Variants in EIF2S1 observed in about 807,000 individuals in gnomAD.
EIF2S1 encodes the protein eukaryotic translation initiation factor 2 subunit 1.
A neutral mutation model predicts 33.5 loss-of-function variants in EIF2S1; 5 were observed. That is an observed-to-expected ratio of 0.15 (90% CI 0.08 to 0.31). The LOEUF (loss-of-function observed/expected upper bound fraction) is 0.31, where lower values mean the gene tolerates loss of function less well. Among genes scored for constraint, EIF2S1 ranks in the 10% least tolerant of loss-of-function variants. The probability of loss-of-function intolerance (pLI) is 1.00; values close to 1 mark genes in which losing one functional copy is unlikely to be tolerated. For synonymous variants in EIF2S1, 99 were observed against 127.5 expected (o/e 0.78, Z 1.51); for missense variants, 191 against 384.6 (o/e 0.50, Z 4.21).
At position 67,385,141 on chromosome 14, in the gene EIF2S1, C is replaced by CTGA. The variant is rs1566619597; in HGVS notation, c.*1703_*1705dup. 1.3e-5 allele frequency: 2 copies of CTGA among 152,136 alleles called. No individual in the cohort carries two copies. Among genetic ancestry groups the CTGA allele is most frequent in the Non-Finnish European group, 2.9e-5 (2 of 68,036 alleles). 9.4% of individuals were successfully genotyped at this position (152,136 alleles called of 1,614,324 possible). A position where few individuals can be genotyped will look rare whatever the true frequency, so the allele number is the denominator to read the frequency against. Reference sequence around the variant, plus strand: ...AGCCAGAGAATAGATCAGTATTTCACTGATACCACGAGGAAAAGAACAAAC... The same window carrying CTGA: ...AGCCAGAGAATAGATCAGTATTTCACTGATGATACCACGAGGAAAAGAACAAAC... On this transcript the variant is annotated 3_prime_UTR_variant, in exon 8 of 8. Coordinates refer to ENST00000256383, the MANE Select transcript of EIF2S1 (RefSeq NM_004094.5).
chr14:67,368,526 G>C lies in EIF2S1; in HGVS notation c.241+3518G>C, dbSNP rs1033609152. On this transcript the variant is annotated intron_variant, in intron 2 of 7. Coordinates refer to ENST00000256383, the MANE Select transcript of EIF2S1 (RefSeq NM_004094.5). ...ATATATAGTTAATACAGTTGGCTCT[G>C]TGATTAATGGATGCCAAGTAGTTAA... Among the ~76,000 whole-genome samples the C allele has an allele frequency of 5.1e-4, 78 of 152,264 alleles. 1 individual carries two copies. Among genetic ancestry groups the C allele is most frequent in the African/African-American group, 1.8e-3 (75 of 41,560 alleles).
intron 2 of EIF2S1, among the ~76,000 whole-genome samples, chr14:67,370,608 CA>C (rs1566612468): frequency 6.6e-6 from 1 of 152,152 alleles, no homozygotes; most frequent in African/African-American, 2.4e-5. Flanking sequence ...CTCAACAAAT[CA>C]GGTGAAATTA....
At chr14:67,376,405 C>T in intron 3 of EIF2S1, 34 bp from the exon 4 acceptor site, 1 of 1,549,582 alleles carries the variant, frequency 6.5e-7, no homozygotes, top group Non-Finnish European at 8.7e-7. Context: ...AATCTCTTAT[C>T]TTTGAATTGT....
chr14:67,380,480 G>A (rs971122532), intron 4 of EIF2S1, among the ~76,000 whole-genome samples, 179 bp from the exon 5 acceptor site: 2 of 152,210 alleles, frequency 1.3e-5, no homozygotes, highest in African/African-American at 2.4e-5. Flanking sequence ...CTAATAATCA[G>A]TTGGGGTGTA....
At chr14:67,364,590 T>A in intron 1 of EIF2S1, 177 bp from the exon 2 acceptor site, 1 of 588,868 alleles carries the variant, frequency 1.7e-6, no homozygotes, top group Non-Finnish European at 2.8e-6. Flanking sequence ...TAAAGCTTGG[T>A]TCCTGAACAT....
At chr14:67,378,508 G>T (rs2085869740) in intron 4 of EIF2S1, among the ~76,000 whole-genome samples, 1 of 152,102 alleles carries the variant, frequency 6.6e-6, no homozygotes, top group Non-Finnish European at 1.5e-5. Flanking sequence ...ACAAATCATA[G>T]AGCCAGGCAG....
chr14:67,364,433 C>A, intron 1 of EIF2S1: 1 of 211,738 alleles, frequency 4.7e-6, no homozygotes, highest in East Asian at 1.3e-4. Flanking sequence ...TTTGATATGC[C>A]TTAAAGTAGT....
rs1237392513 is a variant in EIF2S1 at position 67,367,266 on chromosome 14, C to CT, written c.241+2259dup. Among the ~76,000 whole-genome samples the CT allele has an allele frequency of 3.3e-5, 5 of 152,174 alleles. No individual in the cohort carries two copies. The East Asian group carries it at 9.6e-4, about 29-fold the overall frequency. ...TTTTTTTGGGGGATGGAGTCTCACT[C>CT]TGTCGCCAGGCTGGAGTGCAGTGGC... On this transcript the variant is annotated intron_variant, in intron 2 of 7. Coordinates refer to ENST00000256383, the MANE Select transcript of EIF2S1 (RefSeq NM_004094.5).
intron 2 of EIF2S1, among the ~76,000 whole-genome samples, chr14:67,372,392 T>C (rs907185845): frequency 1.3e-5 from 2 of 152,166 alleles, no homozygotes; most frequent in Non-Finnish European, 2.9e-5. Context: ...ATTTCTTAGA[T>C]AGCACACTAA....
At chr14:67,373,346 AAG>A (rs1376814498) in intron 2 of EIF2S1, among the ~76,000 whole-genome samples, 1 of 152,224 alleles carries the variant, frequency 6.6e-6, no homozygotes, top group East Asian at 1.9e-4. Context: ...TTTAATGAAA[AAG>A]AATGCTCAGA....
intron 4 of EIF2S1, among the ~76,000 whole-genome samples, chr14:67,377,723 A>G (rs1432835143): frequency 6.6e-6 from 1 of 152,046 alleles, no homozygotes; most frequent in Non-Finnish European, 1.5e-5. Flanking sequence ...GCATAAAAAT[A>G]TCTCTAGTTT....
chr14:67,373,771 A>G (rs935165976), intron 2 of EIF2S1, among the ~76,000 whole-genome samples: 2 of 152,092 alleles, frequency 1.3e-5, no homozygotes, highest in African/African-American at 4.8e-5. Context: ...GTTCAAGAAG[A>G]TGTTTAAGCA....
At chr14:67,380,591 G>A (rs1466766873) in intron 4 of EIF2S1, 68 bp from the exon 5 acceptor site, 8 of 793,044 alleles carry the variant, frequency 1.0e-5, no homozygotes, top group East Asian at 5.7e-5. Flanking sequence ...TTGTTCCATA[G>A]TGTTTGGTTT....
chr14:67,381,764 T>A, intron 6 of EIF2S1, 74 bp downstream of exon 6: 2 of 834,320 alleles, frequency 2.4e-6, no homozygotes, highest in Non-Finnish European at 1.7e-6. Flanking sequence ...CTTTGTTTCT[T>A]TTTTTTTTTT....
chr14:67,371,791 A>C (rs2085823574), intron 2 of EIF2S1, among the ~76,000 whole-genome samples: 1 of 152,270 alleles, frequency 6.6e-6, no homozygotes, highest in Non-Finnish European at 1.5e-5. Context: ...TGAGGCCATC[A>C]TAACCCTGAT....
intron 3 of EIF2S1, among the ~76,000 whole-genome samples, chr14:67,375,521 T>C (rs1235361542): frequency 8.0e-6 from 1 of 124,682 alleles, no homozygotes; most frequent in Non-Finnish European, 1.6e-5. Flanking sequence ...GTCCTCAAGA[T>C]AAAATATCAA....
At chr14:67,360,626 G>T (rs1440365020) in intron 1 of EIF2S1, 170 bp downstream of exon 1, 1 of 165,168 alleles carries the variant, frequency 6.1e-6, no homozygotes, top group Non-Finnish European at 1.3e-5. Context: ...CCTCCTCGCC[G>T]GCTCCGTGTA....
At chr14:67,382,315 C>G in intron 6 of EIF2S1, 132 bp from the exon 7 acceptor site, 1 of 710,086 alleles carries the variant, frequency 1.4e-6, no homozygotes, top group Non-Finnish European at 2.2e-6. Flanking sequence ...CCCTAAATTA[C>G]TGTCCTGTAG....
intron 2 of EIF2S1, among the ~76,000 whole-genome samples, chr14:67,372,845 CAAA>C (rs1882164183): frequency 6.6e-6 from 1 of 150,484 alleles, no homozygotes; most frequent in South Asian, 2.1e-4. Context: ...AAACAAAAAA[CAAA>C]CAAAAAAACC....
Sources: allele counts gnomAD v4.1 joint callset (sites outside exome capture counted in the v4.1 genomes callset), GRCh38; gene constraint gnomAD v4.1.1; transcripts MANE v1.5; gene names NCBI Gene and HGNC (gene_info 2026-07-23, HGNC 2026-07-21).